Variants in NPC1L1 observed in about 807,000 individuals in gnomAD.
NPC1L1 encodes NPC1 like intracellular cholesterol transporter 1.
In NPC1L1, 98 loss-of-function variants were observed where a neutral mutation model predicts 117.0. That is an observed-to-expected ratio of 0.84 (90% CI 0.71 to 0.99). The LOEUF (loss-of-function observed/expected upper bound fraction) is 0.99, where lower values mean the gene tolerates loss of function less well. NPC1L1 is among the 50% of genes least tolerant of loss of function. The pLI is 0.00. For synonymous variants in NPC1L1, 729 were observed against 727.6 expected (o/e 1.00, Z -0.03); for missense variants, 1,540 against 1,710.0 (o/e 0.90, Z 1.75).
At position 44,539,151 on chromosome 7, in the gene NPC1L1, TAGG is replaced by T. The variant is rs1293482523; in HGVS notation, c.1243_1245del (p.Pro415del). ...GAGTCATACCTGTAGCTGGACCGGTTAGGAGCCGTCAGGATCACCTGGTTGGTT... is the reference window on the plus strand; with the variant it reads ...GAGTCATACCTGTAGCTGGACCGGTTAGCCGTCAGGATCACCTGGTTGGTT... On this transcript the variant is annotated inframe_deletion, in exon 2 of 19. Coordinates refer to ENST00000381160, the MANE Select transcript of NPC1L1 (RefSeq NM_001101648.2). This position sits in a 1 kb window ranked among gnomAD's most constrained non-coding sequence, Gnocchi z 4.4. The T allele has an allele frequency of 6.2e-7, 1 of 1,614,070 alleles. No homozygotes were observed. Among genetic ancestry groups the T allele is most frequent in the Non-Finnish European group, 8.5e-7 (1 of 1,180,014 alleles).
In NPC1L1 at chr7:44,534,729, A is replaced by T. The variant is rs1312045494; in HGVS notation, c.1984-100T>A. ...GACAAAGTAGCCGGCAGGCACCCTCAGTGCCTGCAGGTGCCCGATACTGCC... is the reference window on the plus strand; with the variant it reads ...GACAAAGTAGCCGGCAGGCACCCTCTGTGCCTGCAGGTGCCCGATACTGCC... On this transcript the variant is annotated intron_variant, in intron 5 of 18. Coordinates refer to ENST00000381160, the MANE Select transcript of NPC1L1 (RefSeq NM_001101648.2). The surrounding 1 kb of genome is among the most constrained non-coding windows in gnomAD (Gnocchi z 5.2). 1.6e-6 allele frequency: 2 copies of T among 1,269,454 alleles called. No individual in the cohort carries two copies. The highest frequency in any genetic ancestry group is 2.2e-6 in the Non-Finnish European group (2 of 889,250). The allele number at this position is 1,269,454 out of a possible 1,614,324, so 78.6% of individuals were successfully genotyped here.
In NPC1L1 at chr7:44,536,784, G is replaced by A. The variant is rs1012130347; in HGVS notation, c.1681+58C>T. ...GCACCACTCCCACCCTCCCGTCTAT[G>A]GTTCCTGCCCCAATACTGCATCTTC... On this transcript the variant is annotated intron_variant, in intron 3 of 18. Transcript: ENST00000381160. The surrounding 1 kb of genome is among the most constrained non-coding windows in gnomAD (Gnocchi z 4.7). The A allele has an allele frequency of 6.2e-6, 9 of 1,461,444 alleles. No individual in the cohort carries two copies. Among genetic ancestry groups the A allele is most frequent in the Non-Finnish European group, 8.6e-6 (9 of 1,042,276 alleles). The allele number at this position is 1,461,444 out of a possible 1,614,324, so 90.5% of individuals were successfully genotyped here. A position where few individuals can be genotyped will look rare whatever the true frequency, so the allele number is the denominator to read the frequency against.
Position 44,522,169 on chromosome 7 carries a change from G to A in NPC1L1, c.2711C>T (p.Thr904Ile), listed in dbSNP as rs1452990061. 6.2e-7 allele frequency: 1 copy of A among 1,613,984 alleles called. No individual in the cohort carries two copies. The highest frequency in any genetic ancestry group is 2.2e-5 in the East Asian group (1 of 44,880). Residue 904 changes from threonine (T) to isoleucine (I), a missense_variant, in exon 11 of 19, where the codon ACC becomes ATC. Thr to Ile is a moderately conservative substitution (Grantham distance 89). Around this residue, in one of 3 missense-constraint regions of NPC1L1, gnomAD observed 742 missense variants for 873.6 expected, o/e 0.85. Coordinates refer to ENST00000381160, the MANE Select transcript of NPC1L1 (RefSeq NM_001101648.2). ...FEVGAPVYFV[T>I]TLGYNFSSEA... ...GCTGGAGAAGTTGTAGCCCAAGGTGGTAACAAAGTACACCGGGGCCCCCAC... is the reference window on the plus strand; with the variant it reads ...GCTGGAGAAGTTGTAGCCCAAGGTGATAACAAAGTACACCGGGGCCCCCAC...
intron 14 of NPC1L1, among the ~76,000 whole-genome samples, chr7:44,517,987 A>C (rs1369047595): frequency 6.6e-6 from 1 of 151,314 alleles, no homozygotes; most frequent in Admixed American, 6.6e-5. Flanking sequence ...GTGGTGGCAC[A>C]CCCCTGTAAT....
Position 44,536,280 on chromosome 7 carries a change from C to T in NPC1L1, c.1830G>A (p.Met610Ile), listed in dbSNP as rs1468714043. The change falls in exon 4 of 19, where the codon ATG becomes ATA. Residue 610 changes from methionine to isoleucine, a missense_variant. Physicochemically the swap from Met to Ile is conservative, Grantham distance 10. Transcript: ENST00000381160. The surrounding 1 kb of genome is among the most constrained non-coding windows in gnomAD (Gnocchi z 4.7). ...MRAFQRRMAG[M>I]FQVTFMAERS... The stretch of plus-strand genomic sequence containing the variant: ...CCTCAGCCATGAACGTGACCTGGAA[C>T]ATGCCAGCCATCCGACGCTGGAAGG... 1 of 1,614,104 alleles carries T rather than the reference C, an allele frequency of 6.2e-7. No homozygotes were observed. Among genetic ancestry groups the T allele is most frequent in the Non-Finnish European group, 8.5e-7 (1 of 1,180,036 alleles).
rs1183815017 is a variant in NPC1L1, at chr7:44,535,967, C to A, written c.1856G>T (p.Arg619Leu). 1 of 1,613,008 alleles carries A rather than the reference C, an allele frequency of 6.2e-7. No individual in the cohort carries two copies. Among genetic ancestry groups the A allele is most frequent in the East Asian group, 2.2e-5 (1 of 44,890 alleles). ...GCGATTGATCTCGTCTTCCAGAGAG[C>A]GCTGTGGACACACACCCGACCAGCC... Reference protein sequence around the residue: ...GMFQVTFMAERSLEDEINRTT... With the variant: ...GMFQVTFMAELSLEDEINRTT... Residue 619 changes from arginine (R) to leucine (L), a missense_variant and splice_region_variant, in exon 5 of 19, where the codon CGC (arginine) becomes CTC (leucine). Around this residue, in one of 3 missense-constraint regions of NPC1L1, gnomAD observed 793 missense variants for 820.4 expected, o/e 0.97. Transcript: ENST00000381160.
At position 44,533,722 on chromosome 7, in the gene NPC1L1, G is replaced by C. The variant is rs1056878246; in HGVS notation, c.2281+17C>G. 1 of 1,612,324 alleles carries C rather than the reference G, an allele frequency of 6.2e-7. No homozygotes were observed. The highest frequency in any genetic ancestry group is 8.5e-7 in the Non-Finnish European group (1 of 1,178,534). ...AGCAAGCCTAATGCCGAGTGGGGAG[G>C]TCTCACCCAGGCTCACCTAGGAAGA... On this transcript the variant is annotated intron_variant, in intron 7 of 18. Coordinates refer to ENST00000381160, the MANE Select transcript of NPC1L1 (RefSeq NM_001101648.2).
At chr7:44,515,431 T>G (rs1411893509) in intron 18 of NPC1L1, among the ~76,000 whole-genome samples, 2 of 152,186 alleles carry the variant, frequency 1.3e-5, no homozygotes, top group Non-Finnish European at 2.9e-5. Context: ...AGTATTAATA[T>G]TATTTAGTGA....
chr7:44,539,734 G>T lies in NPC1L1; in HGVS notation c.663C>A (p.His221Gln). ...CCACGGCCTGGCCAGGCTCCAAGAG[G>T]TGGAAGGTGATGTCCAGTGGGGCCA... Reference protein sequence around the residue: ...NGLAPLDITFHLLEPGQAVGS... With the variant: ...NGLAPLDITFQLLEPGQAVGS... Residue 221 changes from histidine to glutamine, a missense_variant, in exon 2 of 19, where the codon CAC (histidine) becomes CAA (glutamine). By Grantham distance (24) the His-to-Gln change is conservative. Transcript: ENST00000381160. The surrounding 1 kb of genome is among the most constrained non-coding windows in gnomAD (Gnocchi z 4.4). 6.2e-7 allele frequency: 1 copy of T among 1,614,182 alleles called. No homozygotes were observed. Among genetic ancestry groups the T allele is most frequent in the East Asian group, 2.2e-5 (1 of 44,890 alleles).
Position 44,535,940 on chromosome 7 carries a change from G to A in NPC1L1, c.1883C>T (p.Thr628Ile), listed in dbSNP as rs781442850. The change falls in exon 5 of 19, where the codon ACC becomes ATC. Residue 628 changes from threonine to isoleucine, a missense_variant. Thr to Ile is a moderately conservative substitution (Grantham distance 89). This residue lies in a region of NPC1L1 where 793 missense variants were observed against 820.4 expected (regional missense o/e 0.97). Coordinates refer to ENST00000381160, the MANE Select transcript of NPC1L1 (RefSeq NM_001101648.2). ...AAAGATGGGCAGGTCTTCAGCTGTG[G>A]TGCGATTGATCTCGTCTTCCAGAGA... ...ERSLEDEINR[T>I]TAEDLPIFAT... 3.1e-6 allele frequency: 5 copies of A among 1,613,420 alleles called. No homozygotes were observed. Among genetic ancestry groups the A allele is most frequent in the East Asian group, 4.5e-5 (2 of 44,892 alleles).
rs368673518 is a variant in NPC1L1, at chr7:44,539,707, C to T, written c.690G>A (p.Gly230=). 2 of 1,614,084 alleles carry T rather than the reference C, an allele frequency of 1.2e-6. No individual in the cohort carries two copies. Among genetic ancestry groups the T allele is most frequent in the African/African-American group, 1.3e-5 (1 of 75,068 alleles). ...CCTCATTCAGAGGCTGAATCCCACT[C>T]CCCACGGCCTGGCCAGGCTCCAAGA... The part of the protein sequence containing the change: ...FHLLEPGQAV[G]SGIQPLNEGV... The change falls in exon 2 of 19, where the codon GGG becomes GGA. Residue 230 remains glycine (G), a synonymous_variant. Transcript: ENST00000381160. The surrounding 1 kb of genome is among the most constrained non-coding windows in gnomAD (Gnocchi z 4.4).
At chr7:44,521,416 C>T (rs1436115047) in intron 12 of NPC1L1, among the ~76,000 whole-genome samples, 1 of 152,218 alleles carries the variant, frequency 6.6e-6, no homozygotes, top group Non-Finnish European at 1.5e-5. Context: ...CTAACCTCAG[C>T]AGCTCTCCCC....
intron 15 of NPC1L1, 59 bp from the exon 16 acceptor site, chr7:44,516,993 G>A: frequency 2.0e-6 from 3 of 1,506,090 alleles, no homozygotes; most frequent in Non-Finnish European, 2.8e-6. Flanking sequence ...ATGGTGGGTG[G>A]GACACCCCAC....
chr7:44,515,704 C>T, intron 18 of NPC1L1, 99 bp downstream of exon 18: 1 of 1,461,430 alleles, frequency 6.8e-7, no homozygotes, highest in Non-Finnish European at 9.6e-7. Flanking sequence ...CTGCCCATGG[C>T]TCGTTTGCAC....
At chr7:44,532,545 C>CCCTCCTCTT (rs1732851166) in intron 8 of NPC1L1, among the ~76,000 whole-genome samples, 2 of 152,312 alleles carry the variant, frequency 1.3e-5, no homozygotes, top group South Asian at 4.1e-4. Flanking sequence ...CAAGATCAAG[C>CCCTCCTCTT]CCTCCTCTTC....
intron 2 of NPC1L1, among the ~76,000 whole-genome samples, chr7:44,537,729 T>C (rs754454769): frequency 2.7e-5 from 4 of 150,630 alleles, no homozygotes; most frequent in Non-Finnish European, 5.9e-5. Context: ...CACCCGAGAG[T>C]TGTTGTGAGC....
In NPC1L1 at chr7:44,539,580, C is replaced by T. The variant is rs138140250; in HGVS notation, c.817G>A (p.Asp273Asn). ...CPAIARPQAL[D>N]STFYLGQMPG... Reference sequence around the variant, plus strand: ...ATCTGGCCCAGGTAGAAGGTGGAGTCGAGGGCCTGGGGGCGGGCTATGGCA... The same window carrying T: ...ATCTGGCCCAGGTAGAAGGTGGAGTTGAGGGCCTGGGGGCGGGCTATGGCA... The change falls in exon 2 of 19, where the codon GAC (aspartate) becomes AAC (asparagine). Residue 273 changes from aspartate (D) to asparagine (N), a missense_variant. Transcript: ENST00000381160. The surrounding 1 kb of genome is among the most constrained non-coding windows in gnomAD (Gnocchi z 4.4). 1.1e-5 allele frequency: 18 copies of T among 1,613,922 alleles called. No homozygotes were observed. The highest frequency in any genetic ancestry group is 1.1e-4 in the South Asian group (10 of 91,090).
chr7:44,524,285 A>G (rs1801442282), intron 10 of NPC1L1, among the ~76,000 whole-genome samples: 1 of 152,310 alleles, frequency 6.6e-6, no homozygotes, highest in Non-Finnish European at 1.5e-5. Context: ...AAGCCCTGGG[A>G]AAGAAGGAGA....
At chr7:44,523,559 G>A (rs534325265) in intron 10 of NPC1L1, among the ~76,000 whole-genome samples, 2 of 152,280 alleles carry the variant, frequency 1.3e-5, no homozygotes, top group South Asian at 4.1e-4. Flanking sequence ...AGCCAGGTAG[G>A]CAAGGACACC....
Sources: allele counts gnomAD v4.1 joint callset (sites outside exome capture counted in the v4.1 genomes callset), GRCh38; gene constraint gnomAD v4.1.1; regional missense constraint gnomAD v4.1.1; non-coding constraint Gnocchi (gnomAD v3.1); transcripts MANE v1.5; gene names NCBI Gene and HGNC (gene_info 2026-07-23, HGNC 2026-07-21).